Variants in CDK5RAP1 observed in about 807,000 individuals in gnomAD.
CDK5RAP1 encodes CDK5RAP1 mitochondrial tRNA methylthiotransferase.
Under a neutral mutation model 64.5 loss-of-function variants are expected in CDK5RAP1, and 62 were observed. That is an observed-to-expected ratio of 0.96 (90% CI 0.78 to 1.19). The LOEUF is 1.19. Ranked by LOEUF, CDK5RAP1 falls within the 50% of genes most tolerant of loss-of-function variation. The probability of loss-of-function intolerance (pLI) is 0.00; values close to 1 mark genes in which losing one functional copy is unlikely to be tolerated. For missense variants in CDK5RAP1, 657 were observed against 735.0 expected, an observed-to-expected ratio of 0.89 and a Z score of 1.23; for synonymous variants, 250 against 261.9, an observed-to-expected ratio of 0.95 and a Z score of 0.44.
intron 1 of CDK5RAP1, among the ~76,000 whole-genome samples, chr20:33,399,711 G>T (rs1989219034): frequency 6.6e-6 from 1 of 152,134 alleles, no homozygotes; most frequent in Non-Finnish European, 1.5e-5. Context: ...TCCACCTCAG[G>T]CATTTAGATT....
At chr20:33,380,277 G>C (rs1275348301) in intron 7 of CDK5RAP1, among the ~76,000 whole-genome samples, 2 of 152,126 alleles carry the variant, frequency 1.3e-5, no homozygotes, top group African/African-American at 4.8e-5. Context: ...GCCCAGGCTG[G>C]AGTGCAGCAG....
At chr20:33,375,503 A>C (rs1480593933) in intron 8 of CDK5RAP1, among the ~76,000 whole-genome samples, 1 of 152,164 alleles carries the variant, frequency 6.6e-6, no homozygotes, top group Non-Finnish European at 1.5e-5. Context: ...CAGTGGTCAA[A>C]AAAATAAAGG....
chr20:33,387,285 G>A, intron 6 of CDK5RAP1, 38 bp downstream of exon 6: 2 of 1,393,650 alleles, frequency 1.4e-6, no homozygotes, highest in Non-Finnish European at 2.0e-6. Flanking sequence ...GTGAAAGGAG[G>A]AAGAGGCTTA....
intron 9 of CDK5RAP1, 183 bp from the exon 10 acceptor site, chr20:33,372,880 T>C (rs947834207): frequency 1.2e-5 from 5 of 407,860 alleles, no homozygotes; most frequent in African/African-American, 2.1e-5. Context: ...TAATCTAATC[T>C]AGAGCCTATG....
At chr20:33,370,072 A>T (rs543376730) in intron 11 of CDK5RAP1, among the ~76,000 whole-genome samples, 1 of 152,160 alleles carries the variant, frequency 6.6e-6, no homozygotes, top group Admixed American at 6.5e-5. Flanking sequence ...GAAGCCTCCA[A>T]GTGAGTTCAC....
chr20:33,382,355 T>C lies in CDK5RAP1; in HGVS notation c.877-2664A>G, dbSNP rs189001900. Among the ~76,000 whole-genome samples the C allele has an allele frequency of 7.9e-4, 120 of 152,318 alleles. 1 individual carries two copies. Among genetic ancestry groups the C allele is most frequent in the Middle Eastern group, 3.4e-3 (1 of 294 alleles). On this transcript the variant is annotated intron_variant, in intron 7 of 13. Coordinates refer to ENST00000346416, the MANE Select transcript of CDK5RAP1 (RefSeq NM_016408.4). ...GGAATGAGACAGTATTTAGCAATTT[T>C]TGTTAATCTTACTGGAAGAACTAAT...
At position 33,359,077 on chromosome 20, in the gene CDK5RAP1, C is replaced by T. The variant is rs773019714; in HGVS notation, c.1730G>A (p.Arg577Lys). ...SQTLRGHVLC[R>K]TTLRDSSAYC ...TGCAGAAGAGTCCCTCAGAGTGGTC[C>T]TGCAGAGAACATGTCCCCTAAGTGT... The change falls in exon 14 of 14, where the codon AGG (arginine) becomes AAG (lysine). Residue 577 changes from arginine to lysine, a missense_variant. Coordinates refer to ENST00000346416, the MANE Select transcript of CDK5RAP1 (RefSeq NM_016408.4). The T allele has an allele frequency of 1.3e-5, 21 of 1,613,988 alleles. No individual in the cohort carries two copies. The South Asian group carries it at 1.9e-4, about 14-fold the overall frequency.
At chr20:33,399,399 C>G (rs901563799) in intron 1 of CDK5RAP1, among the ~76,000 whole-genome samples, 2 of 152,154 alleles carry the variant, frequency 1.3e-5, no homozygotes, top group Admixed American at 6.6e-5. Context: ...CCATCACCCC[C>G]GAAGTCTAGG....
At chr20:33,393,253 G>A (rs1600803698) in intron 4 of CDK5RAP1, among the ~76,000 whole-genome samples, 1 of 152,034 alleles carries the variant, frequency 6.6e-6, no homozygotes, top group Non-Finnish European at 1.5e-5. Context: ...ATAGTTCACT[G>A]TAGCCTTGAA....
At chr20:33,365,519 G>A (rs535718523) in intron 12 of CDK5RAP1, among the ~76,000 whole-genome samples, 47 of 137,726 alleles carry the variant, frequency 3.4e-4, no homozygotes, top group African/African-American at 1.2e-3. Flanking sequence ...TGATCTACCC[G>A]CCTCGGCCCC....
intron 7 of CDK5RAP1, among the ~76,000 whole-genome samples, chr20:33,382,065 C>T (rs1206477094): frequency 2.0e-5 from 3 of 152,186 alleles, no homozygotes; most frequent in African/African-American, 7.2e-5. Flanking sequence ...TGGTCTTGAA[C>T]TCCTACGCTC....
At chr20:33,369,557 G>A (rs972124745) in intron 11 of CDK5RAP1, among the ~76,000 whole-genome samples, 8 of 151,950 alleles carry the variant, frequency 5.3e-5, no homozygotes, top group Non-Finnish European at 1.5e-5. Context: ...AACACTAAAA[G>A]ATACATGAAT....
chr20:33,373,810 G>A (rs182254039), intron 9 of CDK5RAP1: 12 of 332,340 alleles, frequency 3.6e-5, no homozygotes, highest in East Asian at 1.7e-4. Flanking sequence ...TGGAGTTAGC[G>A]AAGCAAGCTC....
intron 13 of CDK5RAP1, 103 bp from the exon 14 acceptor site, chr20:33,359,226 AG>A: frequency 1.2e-6 from 1 of 837,586 alleles, no homozygotes; most frequent in South Asian, 1.5e-5. Flanking sequence ...AATCTGATGG[AG>A]GCGACCGGCT....
In CDK5RAP1 at chr20:33,359,031, C is replaced by T; in HGVS notation, c.*12G>A. ...GGATTGCCCAAGTCAGCTCTGAGGC[C>T]ATCCTCTCAGGTCAGCAATATGCAG... On this transcript the variant is annotated 3_prime_UTR_variant, in exon 14 of 14. Coordinates refer to ENST00000346416, the MANE Select transcript of CDK5RAP1 (RefSeq NM_016408.4). The T allele has an allele frequency of 1.3e-6, 2 of 1,595,838 alleles. No individual in the cohort carries two copies. The highest frequency in any genetic ancestry group is 1.7e-6 in the Non-Finnish European group (2 of 1,163,664).
At chr20:33,382,177 T>C (rs1046398855) in intron 7 of CDK5RAP1, among the ~76,000 whole-genome samples, 4 of 152,164 alleles carry the variant, frequency 2.6e-5, no homozygotes, top group African/African-American at 9.7e-5. Flanking sequence ...CTTTGCAACT[T>C]TCCTGTAAAT....
chr20:33,375,149 C>A (rs1985778433), intron 8 of CDK5RAP1, among the ~76,000 whole-genome samples: 1 of 151,750 alleles, frequency 6.6e-6, no homozygotes, highest in Non-Finnish European at 1.5e-5. Context: ...TGCTTGTAAT[C>A]CCAGCACTTT....
chr20:33,389,857 C>A (rs1364853944), intron 5 of CDK5RAP1, among the ~76,000 whole-genome samples: 1 of 151,264 alleles, frequency 6.6e-6, no homozygotes, highest in Non-Finnish European at 1.5e-5. Flanking sequence ...TTGTTCTGTA[C>A]TAAGAAAAAT....
Position 33,385,780 on chromosome 20 carries a change from A to C in CDK5RAP1, c.756-10T>G, listed in dbSNP as rs576404890. 2.5e-6 allele frequency: 4 copies of C among 1,609,564 alleles called. No homozygotes were observed. Among genetic ancestry groups the C allele is most frequent in the African/African-American group, 2.7e-5 (2 of 74,902 alleles). ...GCCTCGCATGATTGACCTGGAGAAG[A>C]AAGTACCAGAACTTAGTAACAGTAG... On this transcript the variant is annotated splice_polypyrimidine_tract_variant and intron_variant, in intron 6 of 13. Transcript: ENST00000346416.
Sources: gnomAD v4.1 joint callset for allele counts (sites outside exome capture counted in the v4.1 genomes callset) on GRCh38, gnomAD v4.1.1 for gene constraint, MANE v1.5 for transcripts, NCBI Gene and HGNC (gene_info 2026-07-23, HGNC 2026-07-21) for gene names.